GMDS: variants seen among roughly 807,000 people sequenced by gnomAD.
GMDS encodes the protein GDP-mannose 4,6-dehydratase.
GMDS carries 20 observed loss-of-function variants against 49.9 expected under a neutral mutation model. The ratio of observed to expected loss-of-function variants is 0.40; its 90% confidence interval spans 0.28 to 0.58. The LOEUF is 0.58. GMDS is among the 20% of genes least tolerant of loss of function. The pLI is 0.42. For missense variants in GMDS, 362 were observed against 481.4 expected, an observed-to-expected ratio of 0.75 and a Z score of 2.32; for synonymous variants, 177 against 178.6, an observed-to-expected ratio of 0.99 and a Z score of 0.07.
intron 1 of GMDS, among the ~76,000 whole-genome samples, chr6:2,215,383 C>A (rs1314918524): frequency 6.6e-6 from 1 of 152,048 alleles, no homozygotes; most frequent in African/African-American, 2.4e-5. Flanking sequence ...ACAATCATGG[C>A]AGAAAGCAAA....
intron 9 of GMDS, among the ~76,000 whole-genome samples, chr6:1,688,365 C>T (rs1486201937): frequency 6.6e-6 from 1 of 152,238 alleles, no homozygotes; most frequent in African/African-American, 2.4e-5. Context: ...AAACCCCGCA[C>T]CTTGCTATGG....
intron 9 of GMDS, among the ~76,000 whole-genome samples, chr6:1,691,360 G>T (rs1041252248): frequency 2.0e-5 from 3 of 152,076 alleles, no homozygotes; most frequent in Non-Finnish European, 2.9e-5. Flanking sequence ...CTGTTGCGGG[G>T]GGTGTGGGGG....
At chr6:2,176,014 C>T in intron 1 of GMDS, 2 of 1,533,506 alleles carry the variant, frequency 1.3e-6, no homozygotes, top group Non-Finnish European at 1.7e-6. Flanking sequence ...ACAAAAGTGC[C>T]TCAGAGCACA....
At chr6:1,882,164 TG>T (rs1459357593) in intron 7 of GMDS, among the ~76,000 whole-genome samples, 1 of 152,236 alleles carries the variant, frequency 6.6e-6, no homozygotes, top group Non-Finnish European at 1.5e-5. Context: ...CAGTTTATGC[TG>T]TCTAAATTAA....
At chr6:1,637,105 T>A (rs1763178510) in intron 9 of GMDS, among the ~76,000 whole-genome samples, 1 of 152,236 alleles carries the variant, frequency 6.6e-6, no homozygotes, top group Non-Finnish European at 1.5e-5. Flanking sequence ...GTGGTAGGAC[T>A]GAAGGTGTCC....
At chr6:2,205,423 T>C (rs1779763644) in intron 1 of GMDS, among the ~76,000 whole-genome samples, 1 of 152,214 alleles carries the variant, frequency 6.6e-6, no homozygotes, top group South Asian at 2.1e-4. Flanking sequence ...ACACTGTCCT[T>C]GTGTCCAGAC....
chr6:1,949,028 T>TA, intron 6 of GMDS: 1 of 959,666 alleles, frequency 1.0e-6, no homozygotes, highest in Non-Finnish European at 1.2e-6. Context: ...GCAATCCCAC[T>TA]AACAGAGCTG....
intron 7 of GMDS, among the ~76,000 whole-genome samples, chr6:1,854,101 T>C (rs1428290006): frequency 6.6e-6 from 1 of 152,208 alleles, no homozygotes; most frequent in African/African-American, 2.4e-5. Context: ...GGTGTAAAAA[T>C]TCACACCCAG....
intron 7 of GMDS, among the ~76,000 whole-genome samples, chr6:1,825,299 C>A (rs553008018): frequency 9.1e-4 from 139 of 152,294 alleles, no homozygotes; most frequent in African/African-American, 3.1e-3. Flanking sequence ...CATAAAAATT[C>A]TACAAAGCAT....
intron 7 of GMDS, among the ~76,000 whole-genome samples, chr6:1,905,185 G>C (rs1237157650): frequency 6.6e-6 from 1 of 152,252 alleles, no homozygotes; most frequent in African/African-American, 2.4e-5. Context: ...GTGAGGTCCA[G>C]GGGAAAGCCT....
chr6:2,042,624 AGTTGTGGCTTAGTACCAAGG>A (rs1409948354), intron 4 of GMDS, among the ~76,000 whole-genome samples: 2 of 152,184 alleles, frequency 1.3e-5, no homozygotes, highest in African/African-American at 4.8e-5. Context: ...ATTTTTTTTA[AGTTGTGGCTTAGTACCAAGG>A]AACCTGAATT....
intron 1 of GMDS, among the ~76,000 whole-genome samples, chr6:2,204,728 G>A (rs948282736): frequency 3.2e-4 from 48 of 152,272 alleles, no homozygotes; most frequent in Middle Eastern, 6.8e-3. Context: ...TTCCCTAGTG[G>A]ACAGGTTACC....
intron 4 of GMDS, among the ~76,000 whole-genome samples, chr6:2,020,568 C>A (rs1445657971): frequency 6.6e-6 from 1 of 151,988 alleles, no homozygotes; most frequent in Non-Finnish European, 1.5e-5. Flanking sequence ...ATACATTTTG[C>A]ATGCTTTAAT....
In GMDS at chr6:1,969,289, A is replaced by AAAAAAAAG. The variant is rs56095985; in HGVS notation, c.346-8324_346-8323insCTTTTTTT. Among the ~76,000 whole-genome samples the AAAAAAAAG allele has an allele frequency of 6.4e-3, 541 of 84,274 alleles. 33 individuals are homozygous for AAAAAAAAG. The highest frequency in any genetic ancestry group is 7.9e-3 in the Non-Finnish European group (340 of 43,222). The allele number at this position is 84,274 out of a possible 152,430, so 55.3% of individuals were successfully genotyped here. ...AAAAAAAAAAAAAAAAAAAAAAAAA[A>AAAAAAAAG]AGAGAAAGAAAGAAAAAAAGAAATT... On this transcript the variant is annotated intron_variant, in intron 4 of 10. Transcript: ENST00000380815.
At chr6:2,067,075 C>T (rs1406262154) in intron 4 of GMDS, among the ~76,000 whole-genome samples, 1 of 151,516 alleles carries the variant, frequency 6.6e-6, no homozygotes. Context: ...TCTCAGACCA[C>T]AGTGCAATCA....
chr6:1,794,780 T>C (rs1479822448), intron 7 of GMDS, among the ~76,000 whole-genome samples: 2 of 152,214 alleles, frequency 1.3e-5, no homozygotes, highest in African/African-American at 4.8e-5. Flanking sequence ...ATAAAAATCA[T>C]ATGGAACCTC....
chr6:1,884,987 C>G (rs989589049), intron 7 of GMDS, among the ~76,000 whole-genome samples: 3 of 152,166 alleles, frequency 2.0e-5, no homozygotes, highest in African/African-American at 7.2e-5. Flanking sequence ...TAGGAGGAAA[C>G]TACATTGAAA....
intron 7 of GMDS, among the ~76,000 whole-genome samples, chr6:1,744,992 C>A (rs947030613): frequency 5.3e-5 from 8 of 152,286 alleles, no homozygotes; most frequent in Non-Finnish European, 1.0e-4. Context: ...CACGTGCACA[C>A]ACACACACAC....
rs907839827 is a variant in GMDS, at chr6:2,025,548, G to GA, written c.346-64583dup. 3.2e-3 allele frequency among the ~76,000 whole-genome samples: 482 copies of GA among 149,172 alleles called. 5 individuals are homozygous for GA. The highest frequency in any genetic ancestry group is 0.011 in the African/African-American group (447 of 40,696). ...GGAAGATTTCTTTCTCCTTGTAATTGAAAAAAAAATCAAATCAAGCATTCA... is the reference window on the plus strand; with the variant it reads ...GGAAGATTTCTTTCTCCTTGTAATTGAAAAAAAAAATCAAATCAAGCATTCA... On this transcript the variant is annotated intron_variant, in intron 4 of 10. Transcript: ENST00000380815.
Sources: gnomAD v4.1 joint callset for allele counts (sites outside exome capture counted in the v4.1 genomes callset) on GRCh38, gnomAD v4.1.1 for gene constraint, MANE v1.5 for transcripts, NCBI Gene and HGNC (gene_info 2026-07-23, HGNC 2026-07-21) for gene names.